UNC13C: variants seen among roughly 807,000 people sequenced by gnomAD.
UNC13C encodes the protein unc-13 homolog C.
Under a neutral mutation model 245.4 loss-of-function variants are expected in UNC13C, and 174 were observed. That is an observed-to-expected ratio of 0.71 (90% confidence interval 0.63 to 0.80). UNC13C has a LOEUF of 0.80. UNC13C is among the 30% of genes least tolerant of loss of function. UNC13C has a pLI of 0.00. For missense variants in UNC13C, 2,829 were observed against 2,602.9 expected (o/e 1.09, Z -1.89); for synonymous variants, 992 against 895.1 (o/e 1.11, Z -1.93).
the UNC13C span, among the ~76,000 whole-genome samples, chr15:53,968,673 C>T: frequency 6.6e-6 from 1 of 152,144 alleles, no homozygotes; most frequent in Non-Finnish European, 1.5e-5. Context: ...AAATAGGAGT[C>T]AGCCTTCCTT....
At chr15:54,211,275 G>C (rs550701291) in intron 4 of UNC13C, among the ~76,000 whole-genome samples, 1 of 152,188 alleles carries the variant, frequency 6.6e-6, no homozygotes, top group South Asian at 2.1e-4. Flanking sequence ...TAAATGTTAT[G>C]TAGAATGATG....
chr15:54,483,749 C>G (rs555816523), intron 19 of UNC13C, among the ~76,000 whole-genome samples: 1 of 152,304 alleles, frequency 6.6e-6, no homozygotes, highest in East Asian at 1.9e-4. Flanking sequence ...GCCACTGCGC[C>G]CAGCCCTGTT....
the UNC13C span, among the ~76,000 whole-genome samples, chr15:53,917,455 A>C: frequency 6.6e-6 from 1 of 152,232 alleles, no homozygotes; most frequent in Non-Finnish European, 1.5e-5. Flanking sequence ...AACTCCTAAA[A>C]GTGAGTACCT....
the UNC13C span, among the ~76,000 whole-genome samples, chr15:53,895,691 T>G: frequency 6.6e-6 from 1 of 152,192 alleles, no homozygotes; most frequent in Non-Finnish European, 1.5e-5. Context: ...TTTGTGTTTC[T>G]TAGGCATTAC....
At chr15:53,920,423 G>A in the UNC13C span, among the ~76,000 whole-genome samples, 2 of 152,108 alleles carry the variant, frequency 1.3e-5, no homozygotes, top group East Asian at 1.9e-4. Context: ...GTGTGGTGGT[G>A]TGTGCCTGTA....
At chr15:54,147,406 A>G (rs1198665792) in intron 4 of UNC13C, among the ~76,000 whole-genome samples, 1 of 151,934 alleles carries the variant, frequency 6.6e-6, no homozygotes, top group Non-Finnish European at 1.5e-5. Flanking sequence ...TTTTTAGTAG[A>G]GACGGGGTTT....
At chr15:54,042,854 GA>G (rs1377945844) in intron 2 of UNC13C, among the ~76,000 whole-genome samples, 1 of 150,524 alleles carries the variant, frequency 6.6e-6, no homozygotes, top group Non-Finnish European at 1.5e-5. Context: ...CTCTGTCTCA[GA>G]AAAGAAAAAG....
chr15:54,232,878 A>G (rs1038413745), intron 4 of UNC13C, among the ~76,000 whole-genome samples: 1 of 152,138 alleles, frequency 6.6e-6, no homozygotes, highest in African/African-American at 2.4e-5. Context: ...ATCCTTCTAG[A>G]TACCCATTCA....
At chr15:54,269,201 T>C (rs1218910141) in intron 10 of UNC13C, among the ~76,000 whole-genome samples, 1 of 152,130 alleles carries the variant, frequency 6.6e-6, no homozygotes, top group Non-Finnish European at 1.5e-5. Flanking sequence ...GCTCACTTTC[T>C]TTCTTTCTTT....
At chr15:54,246,413 G>GT (rs11383240) in intron 7 of UNC13C, among the ~76,000 whole-genome samples, 89,094 of 144,698 alleles carry the variant, frequency 0.62, 28,277 homozygotes, top group Non-Finnish European at 0.72. Context: ...TGAAAATAAT[G>GT]TTTTTTTTTT....
intron 25 of UNC13C, among the ~76,000 whole-genome samples, 178 bp from the exon 26 acceptor site, chr15:54,532,739 G>T (rs1018246225): frequency 6.6e-6 from 1 of 152,102 alleles, no homozygotes; most frequent in South Asian, 2.1e-4. Context: ...TTACTTATAA[G>T]TATTACACGT....
At chr15:54,450,467 A>G (rs1288763026) in intron 19 of UNC13C, among the ~76,000 whole-genome samples, 1 of 152,214 alleles carries the variant, frequency 6.6e-6, no homozygotes, top group Admixed American at 6.5e-5. Context: ...AGCCTCAGCA[A>G]TGGCGGGCGC....
intron 2 of UNC13C, among the ~76,000 whole-genome samples, chr15:54,032,568 T>C (rs889040160): frequency 6.6e-6 from 1 of 152,204 alleles, no homozygotes; most frequent in African/African-American, 2.4e-5. Flanking sequence ...CAAAGGAAGA[T>C]ATGTATATAT....
At chr15:54,075,654 A>G (rs1222472160) in intron 2 of UNC13C, among the ~76,000 whole-genome samples, 1 of 151,676 alleles carries the variant, frequency 6.6e-6, no homozygotes, top group African/African-American at 2.4e-5. Context: ...TGAGCTTTCC[A>G]TAAGTGATGG....
At chr15:54,568,097 C>G in intron 30 of UNC13C, 150 bp downstream of exon 30, 2 of 468,368 alleles carry the variant, frequency 4.3e-6, no homozygotes, top group Non-Finnish European at 7.0e-6. Context: ...TAGAGAATAC[C>G]AATTTTTTTA....
intron 19 of UNC13C, among the ~76,000 whole-genome samples, chr15:54,451,962 G>T (rs565196446): frequency 6.6e-6 from 1 of 152,322 alleles, no homozygotes; most frequent in East Asian, 1.9e-4. Context: ...TGGTTAGGTA[G>T]GGAACATTGG....
At position 54,394,811 on chromosome 15, in the gene UNC13C, C is replaced by T. The variant is rs577980631; in HGVS notation, c.4847+1630C>T. 9.9e-5 allele frequency among the ~76,000 whole-genome samples: 15 copies of T among 151,758 alleles called. No homozygotes were observed. In the South Asian group the frequency reaches 2.7e-3, roughly 27 times the overall value. ...AAATCATGGAAGAAATTAAAGTATC[C>T]ATGATTTATTTGTAATCATGTGCCA... On this transcript the variant is annotated intron_variant, in intron 18 of 32. Coordinates refer to ENST00000260323, the MANE Select transcript of UNC13C (RefSeq NM_001080534.3).
chr15:54,240,976 A>G (rs1030149269), intron 7 of UNC13C, among the ~76,000 whole-genome samples: 1 of 152,184 alleles, frequency 6.6e-6, no homozygotes, highest in Admixed American at 6.5e-5. Flanking sequence ...AGTAGCGAAC[A>G]ACTCAGCCAA....
At chr15:54,482,831 A>G (rs1439570072) in intron 19 of UNC13C, among the ~76,000 whole-genome samples, 1 of 152,206 alleles carries the variant, frequency 6.6e-6, no homozygotes, top group African/African-American at 2.4e-5. Context: ...TATCTCATTA[A>G]ATTGTCATTT....
Sources: gnomAD v4.1 joint callset for allele counts (sites outside exome capture counted in the v4.1 genomes callset) on GRCh38, gnomAD v4.1.1 for gene constraint, MANE v1.5 for transcripts, NCBI Gene and HGNC (gene_info 2026-07-23, HGNC 2026-07-21) for gene names.